POR: variants seen among roughly 807,000 people sequenced by gnomAD.
The protein encoded by POR is cytochrome p450 oxidoreductase, also known as NADPH--cytochrome P450 reductase.
POR carries 56 observed loss-of-function variants against 84.0 expected under a neutral mutation model. The observed-to-expected ratio is 0.67, with a 90% CI of 0.54 to 0.83. POR has a LOEUF of 0.83. Ranked by LOEUF, POR falls within the 40% of genes least tolerant of loss-of-function variation. POR has a pLI of 0.00. For missense variants in POR, 938 were observed against 944.3 expected (o/e 0.99, Z 0.09); for synonymous variants, 414 against 400.5 (o/e 1.03, Z -0.40).
chr7:75,922,434 G>A (rs534879198), intron 1 of POR, among the ~76,000 whole-genome samples: 2 of 150,328 alleles, frequency 1.3e-5, no homozygotes, highest in South Asian at 2.1e-4. Flanking sequence ...AGCAATTCTC[G>A]TGCCTCAACC....
At chr7:75,961,584 C>G (rs1487911618) in intron 2 of POR, among the ~76,000 whole-genome samples, 1 of 152,130 alleles carries the variant, frequency 6.6e-6, no homozygotes, top group South Asian at 2.1e-4. Flanking sequence ...ACGCCTCCAG[C>G]CCCCAGTTTT....
chr7:75,937,060 T>G (rs1257808567), intron 1 of POR, among the ~76,000 whole-genome samples: 2 of 151,320 alleles, frequency 1.3e-5, no homozygotes, highest in Non-Finnish European at 2.9e-5. Flanking sequence ...ATATCCTGAC[T>G]TCGTGATCCG....
chr7:75,926,004 C>CT (rs1224534405), intron 1 of POR, among the ~76,000 whole-genome samples: 1 of 146,610 alleles, frequency 6.8e-6, no homozygotes, highest in Non-Finnish European at 1.5e-5. Flanking sequence ...CAGTGTCCTG[C>CT]TTTTTTTTCT....
At chr7:75,961,547 T>C (rs1554554527) in intron 2 of POR, among the ~76,000 whole-genome samples, 1 of 151,988 alleles carries the variant, frequency 6.6e-6, no homozygotes, top group African/African-American at 2.4e-5. Context: ...AACACCAGAG[T>C]GTAGGGCACA....
In POR at chr7:75,972,703, C is replaced by T; in HGVS notation, c.237+242C>T. 5.1e-6 allele frequency: 3 copies of T among 584,642 alleles called. No homozygotes were observed. In the South Asian group the frequency reaches 5.7e-5, roughly 11 times the overall value. The allele number at this position is 584,642 out of a possible 1,614,324, so 36.2% of individuals were successfully genotyped here. ...TTTTGAACAAACCAAAGTCTAAGAA[C>T]AGACCCTCCCTCTAACTCACGAAGC... is the stretch of plus-strand genomic sequence containing the variant. On this transcript the variant is annotated intron_variant, in intron 3 of 15. Coordinates refer to ENST00000461988, the MANE Select transcript of POR (RefSeq NM_000941.3).
intron 1 of POR, chr7:75,947,023 C>T (rs567884655): frequency 2.0e-5 from 3 of 152,334 alleles, no homozygotes; most frequent in Admixed American, 6.5e-5. Flanking sequence ...GAACTCCATG[C>T]GAAGTGCTAG....
chr7:75,956,099 G>T (rs959398904), intron 2 of POR, among the ~76,000 whole-genome samples: 5 of 152,150 alleles, frequency 3.3e-5, no homozygotes, highest in Non-Finnish European at 7.3e-5. Flanking sequence ...AGGAGTTCGA[G>T]ACCAGCCTGG....
chr7:75,973,389 C>T (rs1408833660), intron 3 of POR, among the ~76,000 whole-genome samples: 3 of 152,108 alleles, frequency 2.0e-5, no homozygotes, highest in Non-Finnish European at 4.4e-5. Context: ...TCATAGCTCA[C>T]TGCAGCCTCA....
chr7:75,929,931 G>A (rs1416469009), intron 1 of POR, among the ~76,000 whole-genome samples: 1 of 152,156 alleles, frequency 6.6e-6, no homozygotes. Context: ...ACCATTATGG[G>A]CCAGGAGTTG....
chr7:75,915,778 C>G (rs1277416850), intron 1 of POR: 2 of 152,228 alleles, frequency 1.3e-5, no homozygotes, highest in African/African-American at 2.4e-5. Flanking sequence ...GTACCCGGAT[C>G]TCCTGGGGGA....
chr7:75,959,337 G>A (rs1216249608), intron 2 of POR, among the ~76,000 whole-genome samples: 2 of 152,196 alleles, frequency 1.3e-5, no homozygotes, highest in Non-Finnish European at 2.9e-5. Context: ...GAGCACAGGT[G>A]ATTTCTGTTA....
chr7:75,980,307 G>T (rs1202227551), intron 4 of POR, 32 bp from the exon 5 acceptor site: 29 of 1,602,096 alleles, frequency 1.8e-5, no homozygotes, highest in Non-Finnish European at 2.4e-5. Flanking sequence ...CTCAGTCATG[G>T]CCGGGGCGCG....
chr7:75,981,352 A>G (rs956634640), intron 6 of POR, among the ~76,000 whole-genome samples, 165 bp from the exon 7 acceptor site: 1 of 151,288 alleles, frequency 6.6e-6, no homozygotes, highest in Non-Finnish European at 1.5e-5. Flanking sequence ...GGCTTGCCCA[A>G]CTCCCTGGAG....
chr7:75,936,781 A>G (rs954861176), intron 1 of POR, among the ~76,000 whole-genome samples: 1 of 151,798 alleles, frequency 6.6e-6, no homozygotes, highest in Non-Finnish European at 1.5e-5. Context: ...ATTTGAGAAA[A>G]GTAAAGCAAG....
At chr7:75,972,038 C>G (rs1554556224) in intron 2 of POR, among the ~76,000 whole-genome samples, 2 of 151,928 alleles carry the variant, frequency 1.3e-5, no homozygotes, top group African/African-American at 2.4e-5. Context: ...TGAGGTCAGG[C>G]CGTGGGGACC....
chr7:75,939,970 T>C (rs1473130902), intron 1 of POR, among the ~76,000 whole-genome samples: 3 of 152,132 alleles, frequency 2.0e-5, no homozygotes, highest in Non-Finnish European at 2.9e-5. Flanking sequence ...AGTGCAGGGA[T>C]ACTCACTGCA....
chr7:75,921,692 G>T (rs1585082235), intron 1 of POR, among the ~76,000 whole-genome samples: 1 of 151,972 alleles, frequency 6.6e-6, no homozygotes, highest in East Asian at 1.9e-4. Context: ...TCTGTCCATG[G>T]TACCATTGCT....
chr7:75,976,299 C>T (rs1456153341), intron 3 of POR, among the ~76,000 whole-genome samples: 7 of 151,926 alleles, frequency 4.6e-5, no homozygotes, highest in African/African-American at 1.5e-4. Context: ...AAAAATTAGC[C>T]GGGCGTGGTG....
intron 2 of POR, among the ~76,000 whole-genome samples, chr7:75,966,303 G>T (rs782466359): frequency 6.6e-6 from 1 of 152,086 alleles, no homozygotes; most frequent in African/African-American, 2.4e-5. Context: ...GTCCCTGTCC[G>T]CAGAGACAGC....
Sources: gnomAD v4.1 joint callset for allele counts (sites outside exome capture counted in the v4.1 genomes callset) on GRCh38, gnomAD v4.1.1 for gene constraint, MANE v1.5 for transcripts, NCBI Gene and HGNC (gene_info 2026-07-23, HGNC 2026-07-21) for gene names.